NOX5: variants seen among roughly 807,000 people sequenced by gnomAD.
NOX5 encodes the protein NADPH oxidase, EF-hand calcium binding domain 5.
In NOX5, 76 loss-of-function variants were observed where a neutral mutation model predicts 85.7. That is an observed-to-expected ratio of 0.89 (90% CI 0.74 to 1.07). NOX5 has a LOEUF of 1.07. Among genes scored for constraint, NOX5 ranks in the 50% least tolerant of loss-of-function variants. The probability of loss-of-function intolerance (pLI) is 0.00; values close to 1 mark genes in which losing one functional copy is unlikely to be tolerated. For missense variants in NOX5, 973 were observed against 999.5 expected, an observed-to-expected ratio of 0.97 and a Z score of 0.36; for synonymous variants, 405 against 401.4, an observed-to-expected ratio of 1.01 and a Z score of -0.11.
rs753585934 is a variant in NOX5, at chr15:69,042,675, T to C, written c.1517T>C (p.Leu506Pro). The C allele has an allele frequency of 1.2e-6, 2 of 1,613,522 alleles. No homozygotes were observed. Among genetic ancestry groups the C allele is most frequent in the South Asian group, 1.1e-5 (1 of 91,044 alleles). Residue 506 changes from leucine to proline, a missense_variant, in exon 10 of 16, where the codon CTG becomes CCG. Leu to Pro is a moderately conservative substitution (Grantham distance 98). Transcript: ENST00000388866. Reference sequence around the variant, plus strand: ...TTCTCTTTCTCAGACACTATCTGGCTGCACATTCGGTCCCAAGGCCAGTGG... The same window carrying C: ...TTCTCTTTCTCAGACACTATCTGGCCGCACATTCGGTCCCAAGGCCAGTGG... The part of the protein sequence containing the change: ...SAPEQKDTIW[L>P]HIRSQGQWTN...
intron 7 of NOX5, among the ~76,000 whole-genome samples, chr15:69,036,323 T>C (rs1005255879): frequency 6.6e-6 from 1 of 152,150 alleles, no homozygotes; most frequent in African/African-American, 2.4e-5. Context: ...TAATTCTCTA[T>C]GTTATTTTAG....
chr15:69,038,942 G>A lies in NOX5; in HGVS notation c.1457G>A (p.Arg486His), dbSNP rs373021512. 29 of 1,613,872 alleles carry A rather than the reference G, an allele frequency of 1.8e-5. No individual in the cohort carries two copies. The highest frequency in any genetic ancestry group is 1.6e-4 in the African/African-American group (12 of 74,828). Reference protein sequence around the residue: ...YLYLNIPTIARYEWHPFTISS... With the variant: ...YLYLNIPTIAHYEWHPFTISS... The stretch of plus-strand genomic sequence containing the variant: ...TATCTGAACATCCCCACCATTGCTC[G>A]CTATGAGTGGCACCCCTTCACCATC... The change falls in exon 9 of 16, where the codon CGC becomes CAC. Residue 486 changes from arginine to histidine, a missense_variant. Arg to His is a conservative substitution (Grantham distance 29). Coordinates refer to ENST00000388866, the MANE Select transcript of NOX5 (RefSeq NM_024505.4).
intron 3 of NOX5, chr15:69,031,112 C>G (rs948688386): frequency 5.4e-6 from 1 of 185,110 alleles, no homozygotes; most frequent in Non-Finnish European, 1.1e-5. Context: ...TAGCTGTGGC[C>G]CCTCTCAAGA....
At chr15:69,014,930 C>G (rs2050213393) in intron 1 of NOX5, 145 bp downstream of exon 1, 2 of 659,176 alleles carry the variant, frequency 3.0e-6, no homozygotes, top group East Asian at 5.5e-5. Context: ...TTGCTACTAG[C>G]AAGCTGGGCA....
Position 69,035,507 on chromosome 15 carries a change from G to A in NOX5, c.1009G>A (p.Val337Ile). 1 of 1,614,090 alleles carries A rather than the reference G, an allele frequency of 6.2e-7. No individual in the cohort carries two copies. The highest frequency in any genetic ancestry group is 8.5e-7 in the Non-Finnish European group (1 of 1,179,970). The change falls in exon 6 of 16, where the codon GTA (valine) becomes ATA (isoleucine). Residue 337 changes from valine (V) to isoleucine (I), a missense_variant and splice_region_variant. By Grantham distance (29) the Val-to-Ile change is conservative. Transcript: ENST00000388866. ...CACCGTGGCTCACACTGTGAACTTT[G>A]GTGAGTGATCTGGGGCAGGGTTGGG... ...VHTVAHTVNF[V>I]LQAQAEASPF...
intron 4 of NOX5, among the ~76,000 whole-genome samples, chr15:69,032,536 G>A (rs973051703): frequency 6.6e-6 from 1 of 151,596 alleles, no homozygotes; most frequent in African/African-American, 2.4e-5. Flanking sequence ...TCATCCTCCC[G>A]AGTAGCTGGT....
At chr15:69,033,680 T>C (rs1358001303) in intron 5 of NOX5, among the ~76,000 whole-genome samples, 1 of 150,996 alleles carries the variant, frequency 6.6e-6, no homozygotes, top group Non-Finnish European at 1.5e-5. Flanking sequence ...AGAGGTGTTT[T>C]TTTTTTTCTT....
At chr15:69,038,787 C>T (rs1041140088) in intron 8 of NOX5, 70 bp from the exon 9 acceptor site, 5 of 1,610,514 alleles carry the variant, frequency 3.1e-6, no homozygotes, top group Non-Finnish European at 4.2e-6. Context: ...CAGCTTCTGC[C>T]CTCTTGTCCT....
chr15:69,033,331 G>A, intron 5 of NOX5, 54 bp downstream of exon 5: 4 of 1,557,250 alleles, frequency 2.6e-6, no homozygotes, highest in Admixed American at 3.7e-5. Context: ...AGCCGAGGTG[G>A]GCTCCTCCTA....
Position 69,047,557 on chromosome 15 carries a change from C to A in NOX5, c.1817+20C>A. On this transcript the variant is annotated intron_variant, in intron 12 of 15. Coordinates refer to ENST00000388866, the MANE Select transcript of NOX5 (RefSeq NM_024505.4). ...GTACAGGTGGGTGAACAGTGTGCTC[C>A]TGCCTGCATCCTGGGTCAGAGCCCC... 1 of 1,608,318 alleles carries A rather than the reference C, an allele frequency of 6.2e-7. No homozygotes were observed. Among genetic ancestry groups the A allele is most frequent in the South Asian group, 1.1e-5 (1 of 90,128 alleles).
chr15:69,042,639 C>T (rs559083602), intron 9 of NOX5, 24 bp from the exon 10 acceptor site: 29 of 1,606,536 alleles, frequency 1.8e-5, no homozygotes, highest in Non-Finnish European at 2.3e-5. Context: ...ACCTCCTTTC[C>T]CCTCCCACTC....
chr15:69,014,786 G>C lies in NOX5; in HGVS notation c.50+1G>C, dbSNP rs1408298549. ...AGACGGGCCCTGAAGGCTGTAGAGG[G>C]TGAGTGGCTCATTTGTCCAGCTTTC... On this transcript the variant is annotated splice_donor_variant, in intron 1 of 15. Coordinates refer to ENST00000388866, the MANE Select transcript of NOX5 (RefSeq NM_024505.4). LOFTEE classifies it high-confidence loss of function. The C allele has an allele frequency of 1.3e-6, 2 of 1,546,836 alleles. No individual in the cohort carries two copies. The highest frequency in any genetic ancestry group is 1.7e-6 in the Non-Finnish European group (2 of 1,143,518).
In NOX5 at chr15:69,042,853, A is replaced by G. The variant is rs74761564; in HGVS notation, c.1647+48A>G. The G allele has an allele frequency of 3.6e-3, 5,712 of 1,586,308 alleles. 261 individuals are homozygous for G. In the East Asian group the frequency reaches 0.098, roughly 27 times the overall value. On this transcript the variant is annotated intron_variant, in intron 10 of 15. Coordinates refer to ENST00000388866, the MANE Select transcript of NOX5 (RefSeq NM_024505.4). ...GGGTCCACTCTGCTGGCAAGTCCAC[A>G]GAGACCAAGTTGCCTCCTTCTTCTC...
intron 1 of NOX5, among the ~76,000 whole-genome samples, chr15:69,019,713 C>T (rs553766425): frequency 3.3e-5 from 5 of 152,304 alleles, no homozygotes; most frequent in East Asian, 1.9e-4. Context: ...ATAACGTGGG[C>T]GGGCTTAGCT....
rs777011153 is a variant in NOX5, at chr15:69,035,340, C to G, written c.856-14C>G. The G allele has an allele frequency of 1.1e-5, 17 of 1,612,742 alleles. No homozygotes were observed. Among genetic ancestry groups the G allele is most frequent in the Non-Finnish European group, 1.4e-5 (16 of 1,179,348 alleles). On this transcript the variant is annotated splice_polypyrimidine_tract_variant and intron_variant, in intron 5 of 15. Coordinates refer to ENST00000388866, the MANE Select transcript of NOX5 (RefSeq NM_024505.4). ...GAGAGTGAGGCAGGGCTCTCTCCCA[C>G]TCTGCCTGGCCAGGTGCTGATGCTC...
rs768437001 is a variant in NOX5, at chr15:69,033,031, C to G, written c.621-12C>G. On this transcript the variant is annotated splice_polypyrimidine_tract_variant and intron_variant, in intron 4 of 15. Coordinates refer to ENST00000388866, the MANE Select transcript of NOX5 (RefSeq NM_024505.4). ...ACCGCTCGCCTCTGAGCGGAACCCG[C>G]CTCTCTCGCAGCGCTGCCCACTGGC... 4 of 1,549,736 alleles carry G rather than the reference C, an allele frequency of 2.6e-6. No individual in the cohort carries two copies. Among genetic ancestry groups the G allele is most frequent in the Non-Finnish European group, 3.4e-6 (4 of 1,163,498 alleles).
At chr15:69,047,626 C>G (rs1026995203) in intron 12 of NOX5, 89 bp downstream of exon 12, 1 of 1,495,186 alleles carries the variant, frequency 6.7e-7, no homozygotes, top group Non-Finnish European at 9.0e-7. Context: ...CTTCTCCTTC[C>G]TCTCCTTTCA....
intron 3 of NOX5, chr15:69,031,063 C>A (rs1370971389): frequency 6.2e-6 from 1 of 161,146 alleles, no homozygotes; most frequent in South Asian, 2.0e-4. Flanking sequence ...TTTCAACCAC[C>A]CATGTTTACA....
At chr15:69,022,248 G>A (rs547971580) in intron 1 of NOX5, 86 of 203,808 alleles carry the variant, frequency 4.2e-4, no homozygotes, top group African/African-American at 1.8e-3. Context: ...CAATAATGTC[G>A]AAGTTTTTAT....
Sources: gnomAD v4.1 joint callset for allele counts (sites outside exome capture counted in the v4.1 genomes callset) on GRCh38, gnomAD v4.1.1 for gene constraint, MANE v1.5 for transcripts, NCBI Gene and HGNC (gene_info 2026-07-23, HGNC 2026-07-21) for gene names.